Variants in GPHN observed in about 807,000 individuals in gnomAD.
GPHN encodes the protein gephyrin.
In GPHN, 17 loss-of-function variants were observed where a neutral mutation model predicts 95.5. That is an observed-to-expected ratio of 0.18 (90% CI 0.12 to 0.27). The LOEUF (loss-of-function observed/expected upper bound fraction) is 0.27, where lower values mean the gene tolerates loss of function less well. GPHN is among the 10% of genes least tolerant of loss of function. The pLI is 1.00. For missense variants in GPHN, 660 were observed against 978.1 expected (o/e 0.67, Z 4.34); for synonymous variants, 320 against 322.5 (o/e 0.99, Z 0.08).
chr14:67,212,358 T>C, the GPHN span, among the ~76,000 whole-genome samples: 1 of 151,930 alleles, frequency 6.6e-6, no homozygotes, highest in African/African-American at 2.4e-5. Context: ...TGTAATCCCA[T>C]GGGCAGATCG....
At chr14:66,894,950 C>T (rs537236115) in intron 5 of GPHN, among the ~76,000 whole-genome samples, 4 of 152,114 alleles carry the variant, frequency 2.6e-5, no homozygotes, top group East Asian at 1.9e-4. Flanking sequence ...GACAGTGTGT[C>T]GATTCCTCAA....
chr14:67,193,369 C>T, the GPHN span, among the ~76,000 whole-genome samples: 3 of 136,312 alleles, frequency 2.2e-5, no homozygotes, highest in South Asian at 4.7e-4. Context: ...TATAATCTAT[C>T]TATATATCTA....
chr14:66,741,140 A>G (rs943221388), intron 2 of GPHN, among the ~76,000 whole-genome samples: 1 of 152,194 alleles, frequency 6.6e-6, no homozygotes, highest in South Asian at 2.1e-4. Context: ...CCAGCTCCCA[A>G]CATTAGGGAT....
chr14:66,738,645 T>C (rs1278061317), intron 2 of GPHN, among the ~76,000 whole-genome samples: 4 of 152,174 alleles, frequency 2.6e-5, no homozygotes, highest in Non-Finnish European at 5.9e-5. Flanking sequence ...GGGGCATCTT[T>C]AGATGAAGTA....
At chr14:66,522,714 A>G (rs1446718665) in intron 1 of GPHN, among the ~76,000 whole-genome samples, 1 of 151,918 alleles carries the variant, frequency 6.6e-6, no homozygotes, top group Non-Finnish European at 1.5e-5. Context: ...AATAATCTTT[A>G]TTGTGAAAAT....
intron 2 of GPHN, among the ~76,000 whole-genome samples, chr14:66,721,299 G>A (rs2153427860): frequency 6.6e-6 from 1 of 152,118 alleles, no homozygotes; most frequent in South Asian, 2.1e-4. Flanking sequence ...GATCTGATGA[G>A]AGTTTATTTG....
At chr14:67,461,672 T>C in the GPHN span, among the ~76,000 whole-genome samples, 14 of 150,500 alleles carry the variant, frequency 9.3e-5, no homozygotes, top group East Asian at 1.9e-3. Context: ...CTAGAAACAA[T>C]GCACAGTCAG....
chr14:67,727,303 G>A, the GPHN span: 1 of 799,368 alleles, frequency 1.3e-6, no homozygotes, highest in Non-Finnish European at 2.1e-6. Context: ...TATCTCTGTG[G>A]ACTAAGGAGA....
the GPHN span, chr14:67,648,226 AAT>A: frequency 6.3e-7 from 1 of 1,582,932 alleles, no homozygotes. Flanking sequence ...TACATAGGTA[AAT>A]ATGCTAGAGT....
chr14:67,112,943 CA>C (rs1253909306), intron 15 of GPHN, 74 bp from the exon 16 acceptor site: 1 of 1,356,114 alleles, frequency 7.4e-7, no homozygotes, highest in African/African-American at 1.4e-5. Context: ...CCTTTTTTGA[CA>C]CTAAAGTTTC....
At chr14:67,348,906 T>G in the GPHN span, 10 of 848,220 alleles carry the variant, frequency 1.2e-5, no homozygotes, top group African/African-American at 1.6e-4. Context: ...GATTTTAACA[T>G]GTAAAGCCAA....
intron 3 of GPHN, among the ~76,000 whole-genome samples, chr14:66,822,287 C>G (rs72728678): frequency 0.024 from 3,687 of 152,260 alleles, 69 homozygotes; most frequent in Non-Finnish European, 0.036. Flanking sequence ...TTTGGGCCTA[C>G]CCAACTATCT....
At chr14:67,408,339 TAAA>T in the GPHN span, among the ~76,000 whole-genome samples, 7 of 141,570 alleles carry the variant, frequency 4.9e-5, no homozygotes, top group East Asian at 1.7e-3. Context: ...TAAAATAAAA[TAAA>T]ATAAAATAAA....
At chr14:67,610,212 G>GATT in the GPHN span, among the ~76,000 whole-genome samples, 1 of 152,182 alleles carries the variant, frequency 6.6e-6, no homozygotes, top group African/African-American at 2.4e-5. Flanking sequence ...TTTAAGTAAT[G>GATT]AAATATAACA....
At chr14:67,580,615 A>G in the GPHN span, among the ~76,000 whole-genome samples, 1 of 152,368 alleles carries the variant, frequency 6.6e-6, no homozygotes, top group East Asian at 1.9e-4. Context: ...GAAGAGGAGA[A>G]TAGCAGTCAG....
At chr14:67,534,289 G>A in the GPHN span, among the ~76,000 whole-genome samples, 1 of 152,122 alleles carries the variant, frequency 6.6e-6, no homozygotes, top group African/African-American at 2.4e-5. Flanking sequence ...CTGAAAAGTT[G>A]TGATTTAGGC....
the GPHN span, chr14:67,620,988 T>C: frequency 1.2e-6 from 2 of 1,610,370 alleles, no homozygotes; most frequent in South Asian, 2.2e-5. Context: ...GATTTTTAGA[T>C]ATTAGTGCAG....
chr14:67,096,423 T>A (rs1423839759), intron 12 of GPHN, among the ~76,000 whole-genome samples: 1 of 152,164 alleles, frequency 6.6e-6, no homozygotes, highest in Non-Finnish European at 1.5e-5. Context: ...AATATTGATA[T>A]GAGCATTTTG....
intron 1 of GPHN, among the ~76,000 whole-genome samples, chr14:66,589,136 C>T (rs534956147): frequency 1.3e-5 from 2 of 152,222 alleles, no homozygotes; most frequent in South Asian, 4.2e-4. Flanking sequence ...CCAAATTAAG[C>T]TTCATAAGCA....
Sources: gnomAD v4.1 joint callset for allele counts (sites outside exome capture counted in the v4.1 genomes callset) on GRCh38, gnomAD v4.1.1 for gene constraint, MANE v1.5 for transcripts, NCBI Gene and HGNC (gene_info 2026-07-23, HGNC 2026-07-21) for gene names.